C9orf85: variants seen among roughly 807,000 people sequenced by gnomAD.
The protein encoded by C9orf85 is uncharacterized protein C9orf85.
Under a neutral mutation model 14.9 loss-of-function variants are expected in C9orf85, and 16 were observed. The observed-to-expected ratio is 1.08, with a 90% CI of 0.73 to 1.63. C9orf85 has a LOEUF of 1.63. Ranked by LOEUF, C9orf85 falls within the 40% of genes most tolerant of loss-of-function variation. The probability of loss-of-function intolerance (pLI) is 0.00; values close to 1 mark genes in which losing one functional copy is unlikely to be tolerated. For synonymous variants in C9orf85, 45 were observed against 56.8 expected (o/e 0.79, Z 0.93); for missense variants, 172 against 186.1 (o/e 0.92, Z 0.44).
chr9:71,911,897 G>A, intron 1 of C9orf85, 61 bp downstream of exon 1: 1 of 1,488,512 alleles, frequency 6.7e-7, no homozygotes, highest in Non-Finnish European at 9.4e-7. Context: ...CTGGAGAGGG[G>A]AGAGAGGAAA....
chr9:71,928,262 T>TG (rs1007167290), intron 1 of C9orf85, among the ~76,000 whole-genome samples: 3 of 151,306 alleles, frequency 2.0e-5, no homozygotes, highest in African/African-American at 7.3e-5. Flanking sequence ...ATTAGCCCTG[T>TG]ATCTATATGC....
intron 1 of C9orf85, among the ~76,000 whole-genome samples, chr9:71,936,770 C>CTTTT (rs71353543): frequency 2.2e-5 from 2 of 89,176 alleles, no homozygotes; most frequent in Admixed American, 1.2e-4. Flanking sequence ...TTTGTTCAAG[C>CTTTT]TTTTTTTTTT....
chr9:71,916,850 G>T lies in C9orf85; in HGVS notation c.102+5014G>T, dbSNP rs111277885. ...TAGATTTCAGATTTTTTGGATTAGG[G>T]ATACTCAACCTGTTATAGCTAATAT... is the stretch of plus-strand genomic sequence containing the variant. On this transcript the variant is annotated intron_variant, in intron 1 of 3. Transcript: ENST00000334731. 3.8e-3 allele frequency among the ~76,000 whole-genome samples: 573 copies of T among 152,206 alleles called. 3 individuals carry two copies. Among genetic ancestry groups the T allele is most frequent in the Middle Eastern group, 0.014 (4 of 294 alleles).
intron 2 of C9orf85, among the ~76,000 whole-genome samples, chr9:71,950,312 T>C (rs902538094): frequency 6.6e-6 from 1 of 152,226 alleles, no homozygotes; most frequent in African/African-American, 2.4e-5. Context: ...TAATCACTTA[T>C]GAATTAGATT....
intron 1 of C9orf85, among the ~76,000 whole-genome samples, chr9:71,924,186 A>G (rs752805550): frequency 1.3e-4 from 20 of 152,250 alleles, no homozygotes; most frequent in African/African-American, 3.1e-4. Context: ...AAAAATATCA[A>G]GTGAACTTAG....
intron 2 of C9orf85, among the ~76,000 whole-genome samples, chr9:71,955,348 G>T (rs552459267): frequency 1.3e-4 from 20 of 152,212 alleles, no homozygotes; most frequent in South Asian, 1.2e-3. Flanking sequence ...GTTTAATTGA[G>T]CAAAGAATGA....
At chr9:71,975,603 C>T (rs1435533027), downstream of C9orf85, among the ~76,000 whole-genome samples, 2 of 152,214 alleles carry the variant, frequency 1.3e-5, no homozygotes, top group Non-Finnish European at 2.9e-5. Flanking sequence ...GAGGCCAAGG[C>T]GGACGGATCA....
At chr9:71,952,611 C>T (rs1250748772) in intron 2 of C9orf85, among the ~76,000 whole-genome samples, 1 of 152,166 alleles carries the variant, frequency 6.6e-6, no homozygotes, top group Admixed American at 6.5e-5. Flanking sequence ...GATCCGCCCA[C>T]CTCAGCCTCC....
Position 71,928,015 on chromosome 9 carries a change from G to A in C9orf85, c.102+16179G>A, listed in dbSNP as rs997167122. On this transcript the variant is annotated intron_variant, in intron 1 of 3. Transcript: ENST00000334731. ...AGCCTGGCCAACATGATGAAACTCC[G>A]ACTCTAACTAAAAATACAAAAATTA... is the stretch of plus-strand genomic sequence containing the variant. Among the ~76,000 whole-genome samples the A allele has an allele frequency of 5.3e-5, 8 of 151,956 alleles. No individual in the cohort carries two copies. The South Asian group carries it at 8.3e-4, about 16-fold the overall frequency.
intron 2 of C9orf85, among the ~76,000 whole-genome samples, chr9:71,952,905 G>A (rs1164941320): frequency 6.6e-6 from 1 of 151,420 alleles, no homozygotes; most frequent in Non-Finnish European, 1.5e-5. Context: ...TATAATGTTA[G>A]CCAATGTTTA....
intron 2 of C9orf85, among the ~76,000 whole-genome samples, chr9:71,950,697 A>G (rs1250780233): frequency 6.6e-6 from 1 of 152,030 alleles, no homozygotes; most frequent in African/African-American, 2.4e-5. Flanking sequence ...ATAAAGATTT[A>G]TTTTTCTGCC....
chr9:71,974,394 C>G (rs919927951), downstream of C9orf85, among the ~76,000 whole-genome samples: 1 of 151,722 alleles, frequency 6.6e-6, no homozygotes, highest in African/African-American at 2.4e-5. Context: ...CAGGCCTGCA[C>G]CACCACACCT....
chr9:71,963,568 C>T (rs183632572), intron 2 of C9orf85, among the ~76,000 whole-genome samples: 3 of 152,306 alleles, frequency 2.0e-5, no homozygotes, highest in South Asian at 2.1e-4. Context: ...ACCCGGGCTG[C>T]GCGAGGCGCT....
At chr9:71,929,827 C>A in intron 1 of C9orf85, among the ~76,000 whole-genome samples, 1 of 123,984 alleles carries the variant, frequency 8.1e-6, no homozygotes, top group Non-Finnish European at 1.8e-5. Flanking sequence ...GCTATAGGAA[C>A]ACATGTTCCA....
At chr9:71,936,727 T>C (rs1269815492) in intron 1 of C9orf85, among the ~76,000 whole-genome samples, 1 of 151,446 alleles carries the variant, frequency 6.6e-6, no homozygotes, top group East Asian at 1.9e-4. Flanking sequence ...TGAATTGGAA[T>C]GGAGAAAATT....
downstream of C9orf85, among the ~76,000 whole-genome samples, chr9:71,976,933 A>G (rs925438645): frequency 6.6e-6 from 1 of 152,146 alleles, no homozygotes; most frequent in Non-Finnish European, 1.5e-5. Flanking sequence ...ACAATCTGGG[A>G]AAGACTTACC....
chr9:71,961,226 A>G (rs1259530064), intron 2 of C9orf85, among the ~76,000 whole-genome samples: 3 of 151,966 alleles, frequency 2.0e-5, no homozygotes, highest in East Asian at 3.9e-4. Context: ...AGCATTTCTT[A>G]TAACAGGCTG....
In C9orf85 at chr9:71,972,869, C is replaced by T. The variant is rs776448654; in HGVS notation, c.*27C>T. 5.1e-6 allele frequency: 8 copies of T among 1,574,844 alleles called. No homozygotes were observed. In the East Asian group the frequency reaches 1.4e-4, roughly 27 times the overall value. ...ATCACTGTATTAAAAGTCTGCCGGG[C>T]ACAGTGGCTCACGCCTGTAATCCCA... On this transcript the variant is annotated 3_prime_UTR_variant, in exon 4 of 4. Coordinates refer to ENST00000334731, the MANE Select transcript of C9orf85 (RefSeq NM_182505.5).
intron 1 of C9orf85, among the ~76,000 whole-genome samples, chr9:71,927,079 G>C (rs2132266554): frequency 6.6e-6 from 1 of 152,080 alleles, no homozygotes. Flanking sequence ...CTCTTTCAGA[G>C]GAACAAAAGA....
Sources: allele counts gnomAD v4.1 joint callset (sites outside exome capture counted in the v4.1 genomes callset), GRCh38; gene constraint gnomAD v4.1.1; transcripts MANE v1.5; gene names NCBI Gene and HGNC (gene_info 2026-07-23, HGNC 2026-07-21).